Variants in PPHLN1 observed in about 807,000 individuals in gnomAD.
The protein encoded by PPHLN1 is periphilin-1.
A neutral mutation model predicts 51.3 loss-of-function variants in PPHLN1; 29 were observed. That is an observed-to-expected ratio of 0.57 (90% CI 0.42 to 0.77). PPHLN1 has a LOEUF of 0.77. Among genes scored for constraint, PPHLN1 ranks in the 30% least tolerant of loss-of-function variants. The probability of loss-of-function intolerance (pLI) is 0.00; values close to 1 mark genes in which losing one functional copy is unlikely to be tolerated. For missense variants in PPHLN1, 436 were observed against 438.4 expected (o/e 0.99, Z 0.05); for synonymous variants, 147 against 147.8 (o/e 0.99, Z 0.04).
Position 42,351,960 on chromosome 12 carries a change from A to G in PPHLN1, c.148A>G (p.Asn50Asp), listed in dbSNP as rs1322102132. Residue 50 changes from asparagine (N) to aspartate (D), a missense_variant, in exon 3 of 10, where the codon AAT becomes GAT. By Grantham distance (23) the Asn-to-Asp change is conservative (BLOSUM62 1). Transcript: ENST00000358314. ...LLDRPGEGSY[N>D]RYYSHVDYRD... ...AGACAGACCTGGTGAAGGAAGCTACAATAGATATTACAGTCATGTTGATTA... is the reference window on the plus strand; with the variant it reads ...AGACAGACCTGGTGAAGGAAGCTACGATAGATATTACAGTCATGTTGATTA... The G allele has an allele frequency of 3.2e-6, 5 of 1,585,940 alleles. No homozygotes were observed. The highest frequency in any genetic ancestry group is 4.3e-6 in the Non-Finnish European group (5 of 1,170,518).
At chr12:42,382,147 T>C (rs954942658) in intron 5 of PPHLN1, among the ~76,000 whole-genome samples, 1 of 152,168 alleles carries the variant, frequency 6.6e-6, no homozygotes, top group African/African-American at 2.4e-5. Context: ...TTCTAAAAGA[T>C]CCTGTTAGAT....
intron 1 of PPHLN1, among the ~76,000 whole-genome samples, chr12:42,333,260 C>G (rs1041937524): frequency 6.6e-6 from 1 of 151,884 alleles, no homozygotes; most frequent in Non-Finnish European, 1.5e-5. Context: ...ACAAAATATT[C>G]CTTTTGTATA....
At chr12:42,372,170 AC>A (rs2075865960) in intron 4 of PPHLN1, among the ~76,000 whole-genome samples, 1 of 142,714 alleles carries the variant, frequency 7.0e-6, no homozygotes, top group African/African-American at 3.1e-5. Context: ...TAATATTACC[AC>A]TTTATCAAAA....
chr12:42,331,104 G>T (rs1330263991), intron 1 of PPHLN1, among the ~76,000 whole-genome samples: 2 of 152,212 alleles, frequency 1.3e-5, no homozygotes, highest in Admixed American at 6.5e-5. Flanking sequence ...ATCTGGAGAA[G>T]AATATTCTGT....
At chr12:42,426,665 AC>A (rs935688023) in intron 9 of PPHLN1, among the ~76,000 whole-genome samples, 2 of 152,176 alleles carry the variant, frequency 1.3e-5, no homozygotes, top group African/African-American at 4.8e-5. Flanking sequence ...AAATAAAAAG[AC>A]CTTTAGAATT....
intron 4 of PPHLN1, among the ~76,000 whole-genome samples, chr12:42,363,330 T>TA (rs776268969): frequency 1.8e-4 from 21 of 117,358 alleles, no homozygotes; most frequent in South Asian, 5.5e-4. Flanking sequence ...ATTAATTAAT[T>TA]TAAAAAAAAA....
At chr12:42,352,317 A>G (rs934986290) in intron 3 of PPHLN1, among the ~76,000 whole-genome samples, 1 of 152,048 alleles carries the variant, frequency 6.6e-6, no homozygotes, top group Middle Eastern at 3.2e-3. Context: ...CTAAATTGGC[A>G]GGGATTTGCA....
In PPHLN1 at chr12:42,333,724, C is replaced by T. The variant is rs557592814; in HGVS notation, c.-20-2159C>T. The stretch of plus-strand genomic sequence containing the variant: ...GTCTCGATCTCCTGACCTCGTGATC[C>T]GCCCACCTCGGCCTCCCAAAATGCT... On this transcript the variant is annotated intron_variant, in intron 1 of 9. Transcript: ENST00000358314. Among the ~76,000 whole-genome samples the T allele has an allele frequency of 8.5e-5, 13 of 152,194 alleles. No individual in the cohort carries two copies. The East Asian group carries it at 1.2e-3, about 14-fold the overall frequency.
intron 4 of PPHLN1, among the ~76,000 whole-genome samples, chr12:42,358,694 T>C (rs1565815793): frequency 6.6e-6 from 1 of 152,234 alleles, no homozygotes; most frequent in African/African-American, 2.4e-5. Flanking sequence ...GCATGAGCCA[T>C]TGTTCCCGGC....
chr12:42,432,897 T>C (rs73273915), intron 9 of PPHLN1, among the ~76,000 whole-genome samples: 2,216 of 152,342 alleles, frequency 0.015, 55 homozygotes, highest in African/African-American at 0.05. Context: ...TTTACTTTCT[T>C]CACAGTTGCT....
chr12:42,345,730 A>G (rs1003004063), intron 2 of PPHLN1, among the ~76,000 whole-genome samples: 1 of 151,908 alleles, frequency 6.6e-6, no homozygotes, highest in Admixed American at 6.5e-5. Flanking sequence ...GATTTGAAAT[A>G]TCTGCATTTG....
intron 1 of PPHLN1, among the ~76,000 whole-genome samples, chr12:42,330,671 A>G (rs2069574615): frequency 6.6e-6 from 1 of 152,120 alleles, no homozygotes; most frequent in Non-Finnish European, 1.5e-5. Context: ...ACAGCATCTC[A>G]AGGCAAAACA....
At chr12:42,338,248 G>A (rs541248056) in intron 2 of PPHLN1, among the ~76,000 whole-genome samples, 39 of 152,304 alleles carry the variant, frequency 2.6e-4, no homozygotes, top group African/African-American at 9.1e-4. Flanking sequence ...TTTAAATTCT[G>A]TGTTTTGAAG....
intron 9 of PPHLN1, among the ~76,000 whole-genome samples, chr12:42,403,967 G>A (rs1020273622): frequency 6.6e-5 from 10 of 151,338 alleles, no homozygotes; most frequent in African/African-American, 2.4e-4. Context: ...TTTATGGTAA[G>A]GACATTTATA....
At chr12:42,421,711 C>T (rs1168163956) in intron 9 of PPHLN1, among the ~76,000 whole-genome samples, 1 of 152,000 alleles carries the variant, frequency 6.6e-6, no homozygotes, top group Non-Finnish European at 1.5e-5. Context: ...ATGCAGATGG[C>T]ATATGAGAGA....
At chr12:42,376,487 G>A (rs60092462) in intron 5 of PPHLN1, among the ~76,000 whole-genome samples, 3,278 of 152,224 alleles carry the variant, frequency 0.022, 74 homozygotes, top group East Asian at 0.053. Flanking sequence ...GTTATTTTAA[G>A]GATTTAAAAC....
At chr12:42,417,943 G>GTTTTTTTTTTTT (rs371302578) in intron 9 of PPHLN1, among the ~76,000 whole-genome samples, 120 of 88,360 alleles carry the variant, frequency 1.4e-3, no homozygotes, top group South Asian at 3.6e-3. Flanking sequence ...TTTTTTTTTT[G>GTTTTTTTTTTTT]TTTTTTTTTT....
downstream of PPHLN1, chr12:42,444,625 G>A (rs1300912088): frequency 6.1e-6 from 1 of 163,516 alleles, no homozygotes; most frequent in African/African-American, 2.4e-5. Context: ...GACAGCGGAT[G>A]ATGCCATCAG....
chr12:42,409,192 G>C (rs2079585400), intron 9 of PPHLN1, among the ~76,000 whole-genome samples: 1 of 152,026 alleles, frequency 6.6e-6, no homozygotes, highest in Admixed American at 6.6e-5. Flanking sequence ...GCTGATTGGG[G>C]GTGAGGGGAC....
Sources: gnomAD v4.1 joint callset for allele counts (sites outside exome capture counted in the v4.1 genomes callset) on GRCh38, gnomAD v4.1.1 for gene constraint, MANE v1.5 for transcripts, NCBI Gene and HGNC (gene_info 2026-07-23, HGNC 2026-07-21) for gene names.